Variants in ASMTL observed in about 807,000 individuals in gnomAD.
The protein encoded by ASMTL is probable bifunctional dTTP/UTP pyrophosphatase/methyltransferase protein.
In ASMTL, 57 loss-of-function variants were observed where a neutral mutation model predicts 60.3. The observed-to-expected ratio is 0.95, with a 90% CI of 0.76 to 1.18. The LOEUF (loss-of-function observed/expected upper bound fraction) is 1.18, where lower values mean the gene tolerates loss of function less well. ASMTL is among the 50% of genes most tolerant of loss of function. The pLI, the probability that ASMTL is intolerant of heterozygous loss-of-function variation, is 0.00. For missense variants in ASMTL, 981 were observed against 852.6 expected, an observed-to-expected ratio of 1.15 and a Z score of -1.88; for synonymous variants, 419 against 373.0, an observed-to-expected ratio of 1.12 and a Z score of -1.42.
intron 11 of ASMTL, among the ~76,000 whole-genome samples, chrX:1,414,761 A>G (rs1359452425): frequency 6.6e-6 from 1 of 152,032 alleles, no homozygotes; most frequent in Non-Finnish European, 1.5e-5. Context: ...AATCAGAAGC[A>G]CAGCTATCAT....
intron 12 of ASMTL, among the ~76,000 whole-genome samples, chrX:1,411,806 C>CTTTTTTTTT (rs756437483): frequency 1.7e-4 from 15 of 86,170 alleles, no homozygotes; most frequent in Non-Finnish European, 2.5e-4. Flanking sequence ...TTAGGATTTT[C>CTTTTTTTTT]TTTTTTTTTT....
intron 3 of ASMTL, among the ~76,000 whole-genome samples, chrX:1,437,833 G>C (rs1415089576): frequency 3.3e-5 from 5 of 151,536 alleles, no homozygotes; most frequent in South Asian, 4.2e-4. Context: ...GGAGGCGGAG[G>C]TTGCAATGAG....
intron 12 of ASMTL, among the ~76,000 whole-genome samples, chrX:1,410,418 T>C (rs1446518722): frequency 6.7e-6 from 1 of 148,200 alleles, no homozygotes; most frequent in African/African-American, 2.5e-5. Context: ...ACAAAAAACT[T>C]TTTTTTTTTT....
rs1336901166 is a variant in ASMTL, at chrX:1,427,793, T to A, written c.838A>T (p.Thr280Ser). Reference protein sequence around the residue: ...AEAECHRTRETLPPFPTRLLE... With the variant: ...AEAECHRTRESLPPFPTRLLE... ...AGGCGTGTCGGGAACGGAGGCAGGG[T>A]CTCCCGAGTCCTGTGACACTCAGCC... The change falls in exon 7 of 13, where the codon ACC (threonine) becomes TCC (serine). Residue 280 changes from threonine to serine, a missense_variant. Thr to Ser is a moderately conservative substitution (Grantham distance 58, BLOSUM62 1). Transcript: ENST00000381317. 14 of 1,612,396 alleles carry A rather than the reference T, an allele frequency of 8.7e-6. No individual in the cohort carries two copies. The highest frequency in any genetic ancestry group is 1.1e-5 in the Non-Finnish European group (13 of 1,179,708).
intron 12 of ASMTL, among the ~76,000 whole-genome samples, chrX:1,404,697 A>G (rs867078410): frequency 5.2e-5 from 4 of 77,204 alleles, no homozygotes; most frequent in African/African-American, 1.5e-4. Context: ...TAGGTAGATG[A>G]ATGGATGGAC....
rs28972331 is a variant in ASMTL at position 1,450,743 on chromosome X, T to A, written c.93+2005A>T. Among the ~76,000 whole-genome samples, 328 of 101,510 alleles carry A rather than the reference T, an allele frequency of 3.2e-3. 8 individuals are homozygous for A. Among genetic ancestry groups the A allele is most frequent in the African/African-American group, 0.012 (303 of 25,282 alleles). The allele number at this position is 101,510 out of a possible 152,430, so 66.6% of individuals were successfully genotyped here. On this transcript the variant is annotated intron_variant, in intron 1 of 12. Coordinates refer to ENST00000381317, the MANE Select transcript of ASMTL (RefSeq NM_004192.4). Reference sequence around the variant, plus strand: ...CTAGGGGTTCTGGGTTACTCTCCCCTCCCCCATCCCTAGGGTTCCCGGGTT... The same window carrying A: ...CTAGGGGTTCTGGGTTACTCTCCCCACCCCCATCCCTAGGGTTCCCGGGTT...
chrX:1,418,170 G>C, intron 10 of ASMTL, 54 bp from the exon 11 acceptor site: 1 of 1,534,494 alleles, frequency 6.5e-7, no homozygotes, highest in Admixed American at 1.9e-5. Context: ...GAACTCTGAC[G>C]ACTCTCCAAA....
intron 1 of ASMTL, 48 bp from the exon 2 acceptor site, chrX:1,442,365 A>G (rs1196766304): frequency 6.2e-7 from 1 of 1,608,446 alleles, no homozygotes; most frequent in Non-Finnish European, 8.5e-7. Flanking sequence ...AGACCCTATG[A>G]AAAGTGAATG....
Position 1,435,772 on chromosome X carries a change from G to C in ASMTL, c.274-14C>G. The C allele has an allele frequency of 6.8e-6, 11 of 1,612,450 alleles. No homozygotes were observed. Among genetic ancestry groups the C allele is most frequent in the Non-Finnish European group, 9.3e-6 (11 of 1,178,808 alleles). ...CCCCCCGACTGTCTGTGAGAGGAAG[G>C]GACAGAGGGAGTTGGTTCCCACCGG... is the stretch of plus-strand genomic sequence containing the variant. On this transcript the variant is annotated splice_polypyrimidine_tract_variant and intron_variant, in intron 3 of 12. Transcript: ENST00000381317.
chrX:1,411,726 G>C (rs2090030479), intron 12 of ASMTL, among the ~76,000 whole-genome samples: 1 of 83,634 alleles, frequency 1.2e-5, no homozygotes, highest in Non-Finnish European at 2.4e-5. Flanking sequence ...TCAGTGTGAA[G>C]ACCTCCTCAA....
rs1484766065 is a variant in ASMTL at position 1,425,523 on chromosome X, A to G, written c.1060+2T>C. 1 of 1,611,048 alleles carries G rather than the reference A, an allele frequency of 6.2e-7. No individual in the cohort carries two copies. Among genetic ancestry groups the G allele is most frequent in the Admixed American group, 1.7e-5 (1 of 59,896 alleles). On this transcript the variant is annotated splice_donor_variant, in intron 8 of 12. Coordinates refer to ENST00000381317, the MANE Select transcript of ASMTL (RefSeq NM_004192.4). LOFTEE classifies it high-confidence loss of function. Reference sequence around the variant, plus strand: ...AGAGCAAAACCCGCTGGGTCCTGTCACCTTGCTCTGTCTTCTCCAGGAGCC... The same window carrying G: ...AGAGCAAAACCCGCTGGGTCCTGTCGCCTTGCTCTGTCTTCTCCAGGAGCC...
At chrX:1,435,525 G>A (rs1374348773) in intron 4 of ASMTL, 169 bp downstream of exon 4, 25 of 679,398 alleles carry the variant, frequency 3.7e-5, no homozygotes, top group Non-Finnish European at 6.2e-5. Context: ...TGAGCATGGA[G>A]GGATAGTGCC....
intron 8 of ASMTL, among the ~76,000 whole-genome samples, chrX:1,424,160 T>TCATC (rs1184212629): frequency 1.5e-4 from 18 of 123,216 alleles, no homozygotes; most frequent in East Asian, 2.5e-4. Flanking sequence ...ATCCAATCAC[T>TCATC]CATCCATCCA....
At chrX:1,413,021 G>C in intron 11 of ASMTL, 167 bp from the exon 12 acceptor site, 2 of 719,386 alleles carry the variant, frequency 2.8e-6, no homozygotes, top group Non-Finnish European at 4.8e-6. Flanking sequence ...CTTGAACAGA[G>C]CTCCATGAGG....
At chrX:1,435,837 GAA>G in intron 3 of ASMTL, 79 bp from the exon 4 acceptor site, 1 of 1,216,956 alleles carries the variant, frequency 8.2e-7, no homozygotes, top group East Asian at 2.3e-5. Context: ...CCCATTCGCA[GAA>G]GTCACTTGTT....
At chrX:1,442,981 G>C (rs2091139144) in intron 1 of ASMTL, among the ~76,000 whole-genome samples, 2 of 152,348 alleles carry the variant, frequency 1.3e-5, no homozygotes, top group African/African-American at 2.4e-5. Flanking sequence ...CTCTGACAGA[G>C]CAAAAGCATC....
At chrX:1,419,934 CTCTG>C (rs1447126150) in intron 9 of ASMTL, among the ~76,000 whole-genome samples, 19 of 152,302 alleles carry the variant, frequency 1.2e-4, no homozygotes, top group African/African-American at 2.4e-4. Flanking sequence ...CTCCCTTGGT[CTCTG>C]TCTGTCTGTC....
At chrX:1,404,555 G>C (rs1214326502) in intron 12 of ASMTL, among the ~76,000 whole-genome samples, 1 of 151,766 alleles carries the variant, frequency 6.6e-6, no homozygotes, top group Non-Finnish European at 1.5e-5. Flanking sequence ...TGGATGGATA[G>C]ATGGATGCAT....
Position 1,403,438 on chromosome X carries a change from G to GCCAC in ASMTL, c.1693_1696dup (p.Ala566GlyfsTer17). ...CAGTGACTGCATCAGGGCGCGCTGCGCCACCCTCTTCTCCTCATCCAGGAG... is the reference window on the plus strand; with the variant it reads ...CAGTGACTGCATCAGGGCGCGCTGCGCCACCCACCCTCTTCTCCTCATCCAGGAG... On this transcript the variant is annotated frameshift_variant, in exon 13 of 13. Transcript: ENST00000381317. LOFTEE classifies it low-confidence loss of function (END_TRUNC). The GCCAC allele has an allele frequency of 6.2e-7, 1 of 1,613,256 alleles. No individual in the cohort carries two copies. Among genetic ancestry groups the GCCAC allele is most frequent in the African/African-American group, 1.3e-5 (1 of 75,052 alleles).
Sources: gnomAD v4.1 joint callset for allele counts (sites outside exome capture counted in the v4.1 genomes callset) on GRCh38, gnomAD v4.1.1 for gene constraint, MANE v1.5 for transcripts, NCBI Gene and HGNC (gene_info 2026-07-23, HGNC 2026-07-21) for gene names.